DTNBP1: variants seen among roughly 807,000 people sequenced by gnomAD.
DTNBP1 encodes the protein dysbindin.
A neutral mutation model predicts 42.8 loss-of-function variants in DTNBP1; 35 were observed. The ratio of observed to expected loss-of-function variants is 0.82; its 90% CI spans 0.63 to 1.09. The LOEUF is 1.09. Among genes scored for constraint, DTNBP1 ranks in the 50% least tolerant of loss-of-function variants. DTNBP1 has a pLI of 0.00. For missense variants in DTNBP1, 457 were observed against 424.2 expected, an observed-to-expected ratio of 1.08 and a Z score of -0.68; for synonymous variants, 171 against 162.2, an observed-to-expected ratio of 1.05 and a Z score of -0.41.
chr6:15,526,187 G>A (rs1772372672), intron 8 of DTNBP1, among the ~76,000 whole-genome samples: 3 of 152,326 alleles, frequency 2.0e-5, no homozygotes, highest in Admixed American at 6.5e-5. Context: ...GAAGAAACAC[G>A]TCATTATGAG....
In DTNBP1 at chr6:15,652,220, C is replaced by T. The variant is rs1581438881; in HGVS notation, c.57-80G>A. 6.5e-6 allele frequency: 8 copies of T among 1,223,838 alleles called. No individual in the cohort carries two copies. In the South Asian group the frequency reaches 9.8e-5, roughly 15 times the overall value. The allele number at this position is 1,223,838 out of a possible 1,614,324, so 75.8% of individuals were successfully genotyped here. On this transcript the variant is annotated intron_variant, in intron 1 of 9. Transcript: ENST00000344537. ...TTTTTGAGACAGGGTCTCACTCTGT[C>T]GTCCAGGCTGGAGTGCAGTGACATG...
chr6:15,628,631 T>C (rs1166531018), intron 4 of DTNBP1, among the ~76,000 whole-genome samples: 1 of 152,066 alleles, frequency 6.6e-6, no homozygotes, highest in Non-Finnish European at 1.5e-5. Context: ...GGTTTTGAAC[T>C]CCTGGCCTCA....
intron 7 of DTNBP1, among the ~76,000 whole-genome samples, chr6:15,550,191 G>A (rs1038408568): frequency 6.6e-6 from 1 of 151,208 alleles, no homozygotes; most frequent in Non-Finnish European, 1.5e-5. Context: ...ACTTAAAAAT[G>A]TTCAAAACAA....
chr6:15,610,278 C>A (rs1430800269), intron 6 of DTNBP1, among the ~76,000 whole-genome samples: 3 of 152,154 alleles, frequency 2.0e-5, no homozygotes, highest in Admixed American at 6.5e-5. Flanking sequence ...TGGTACACAC[C>A]AGCACATATT....
chr6:15,605,386 C>A (rs559804009), intron 6 of DTNBP1, among the ~76,000 whole-genome samples: 6 of 152,216 alleles, frequency 3.9e-5, no homozygotes, highest in South Asian at 2.1e-4. Context: ...CTGTTTGGAG[C>A]TATACAGTCC....
chr6:15,609,744 A>G (rs894573098), intron 6 of DTNBP1, among the ~76,000 whole-genome samples: 5 of 152,226 alleles, frequency 3.3e-5, no homozygotes, highest in African/African-American at 1.2e-4. Flanking sequence ...TTAATTGAAT[A>G]TGATTCCTCA....
chr6:15,607,249 G>C (rs1397906660), intron 6 of DTNBP1, among the ~76,000 whole-genome samples: 1 of 151,884 alleles, frequency 6.6e-6, no homozygotes, highest in Non-Finnish European at 1.5e-5. Flanking sequence ...GACTTCAAGT[G>C]ATCTGCCGCT....
At chr6:15,625,810 A>C (rs1759306652) in intron 5 of DTNBP1, among the ~76,000 whole-genome samples, 1 of 152,218 alleles carries the variant, frequency 6.6e-6, no homozygotes, top group African/African-American at 2.4e-5. Flanking sequence ...TGACTCAAAG[A>C]GATACAGGAA....
rs1761033318 is a variant in DTNBP1 at position 15,652,100 on chromosome 6, T to C, written c.97A>G (p.Lys33Glu). The C allele has an allele frequency of 6.2e-7, 1 of 1,613,162 alleles. No homozygotes were observed. The highest frequency in any genetic ancestry group is 1.1e-5 in the South Asian group (1 of 90,930). Residue 33 changes from lysine to glutamate, a missense_variant, in exon 2 of 10, where the codon AAA (lysine) becomes GAA (glutamate). Coordinates refer to ENST00000344537, the MANE Select transcript of DTNBP1 (RefSeq NM_032122.5). ...LSDKSREAKV[K>E]SKPRTVPFLP... Reference sequence around the variant, plus strand: ...GCACAAGCTTACCTGGGTTTGCTTTTCACTTTTGCTTCTCTTGACTTGTCA... The same window carrying C: ...GCACAAGCTTACCTGGGTTTGCTTTCCACTTTTGCTTCTCTTGACTTGTCA...
chr6:15,523,024 T>C lies in DTNBP1; in HGVS notation c.1007A>G (p.His336Arg), dbSNP rs1180007529. ...ATCCGGAGTGGCCTCTCTGTCAGTG[T>C]GTGATGTGGCCAGGGCAGTGTCCAC... ...VQVDTALATSHTDREATPDGG... is the reference protein window; with the variant it reads ...VQVDTALATSRTDREATPDGG... The change falls in exon 10 of 10, where the codon CAC becomes CGC. Residue 336 changes from histidine (H) to arginine (R), a missense_variant. Coordinates refer to ENST00000344537, the MANE Select transcript of DTNBP1 (RefSeq NM_032122.5). 4 of 1,614,062 alleles carry C rather than the reference T, an allele frequency of 2.5e-6. No individual in the cohort carries two copies. Among genetic ancestry groups the C allele is most frequent in the Non-Finnish European group, 3.4e-6 (4 of 1,180,034 alleles).
At chr6:15,532,337 T>C (rs1354225036) in intron 8 of DTNBP1, among the ~76,000 whole-genome samples, 1 of 152,230 alleles carries the variant, frequency 6.6e-6, no homozygotes, top group Non-Finnish European at 1.5e-5. Flanking sequence ...AATCAGCTTG[T>C]TCCTTACAGC....
At chr6:15,582,323 G>C (rs1245297381) in intron 7 of DTNBP1, among the ~76,000 whole-genome samples, 2 of 152,148 alleles carry the variant, frequency 1.3e-5, no homozygotes, top group East Asian at 3.9e-4. Flanking sequence ...CTGCTGAAAT[G>C]CTTACTAGCT....
chr6:15,627,437 C>T lies in DTNBP1; in HGVS notation c.261G>A (p.Trp87Ter). Residue 87 changes from tryptophan to a stop codon, truncating the protein, a stop_gained, in exon 5 of 10, where the codon TGG (tryptophan) becomes TGA (stop). Coordinates refer to ENST00000344537, the MANE Select transcript of DTNBP1 (RefSeq NM_032122.5). LOFTEE classifies it high-confidence loss of function. ...DSEVVMLSAH[W>*]EKKKTSLVEL... The stretch of plus-strand genomic sequence containing the variant: ...CCACGAGGCTTGTCTTTTTCTTCTC[C>T]CAGTGCGCAGAAAGCATGACCACCT... 1.2e-6 allele frequency: 2 copies of T among 1,613,932 alleles called. No homozygotes were observed. Among genetic ancestry groups the T allele is most frequent in the South Asian group, 1.1e-5 (1 of 91,076 alleles).
chr6:15,585,586 T>C, intron 7 of DTNBP1: 4 of 1,068,786 alleles, frequency 3.7e-6, no homozygotes, highest in South Asian at 2.7e-5. Context: ...TCAAGTCAAG[T>C]TGAAATTTAA....
intron 4 of DTNBP1, among the ~76,000 whole-genome samples, chr6:15,636,131 T>G (rs1385332064): frequency 6.7e-6 from 1 of 149,212 alleles, no homozygotes; most frequent in African/African-American, 2.5e-5. Context: ...TTTTGTTGGG[T>G]GTCAAAGAAC....
At chr6:15,549,416 C>A (rs910960665) in intron 7 of DTNBP1, among the ~76,000 whole-genome samples, 2 of 139,062 alleles carry the variant, frequency 1.4e-5, no homozygotes, top group East Asian at 4.5e-4. Flanking sequence ...ACCCAGGAGG[C>A]GGAGGCTGCA....
chr6:15,578,783 A>G (rs1775691707), intron 7 of DTNBP1, among the ~76,000 whole-genome samples: 1 of 152,198 alleles, frequency 6.6e-6, no homozygotes, highest in South Asian at 2.1e-4. Context: ...TTGATGCCCA[A>G]AAGGTATGTG....
chr6:15,546,484 T>C (rs1773889248), intron 7 of DTNBP1, among the ~76,000 whole-genome samples: 1 of 152,120 alleles, frequency 6.6e-6, no homozygotes, highest in East Asian at 1.9e-4. Context: ...AGATTAGCAT[T>C]AAGGAATCTA....
chr6:15,556,077 C>A (rs1003402766), intron 7 of DTNBP1, among the ~76,000 whole-genome samples: 1 of 152,118 alleles, frequency 6.6e-6, no homozygotes, highest in Non-Finnish European at 1.5e-5. Flanking sequence ...GGGTTAGAAT[C>A]CCTCCTAAGA....
Sources: gnomAD v4.1 joint callset for allele counts (sites outside exome capture counted in the v4.1 genomes callset) on GRCh38, gnomAD v4.1.1 for gene constraint, MANE v1.5 for transcripts, NCBI Gene and HGNC (gene_info 2026-07-23, HGNC 2026-07-21) for gene names.